Variants in C4orf51 observed in about 807,000 individuals in gnomAD.
C4orf51 encodes the protein chromosome 4 open reading frame 51, also known as uncharacterized protein C4orf51.
A neutral mutation model predicts 25.2 loss-of-function variants in C4orf51; 25 were observed. That is an observed-to-expected ratio of 0.99 (90% CI 0.72 to 1.39). The LOEUF is 1.39. Ranked by LOEUF, C4orf51 falls within the 40% of genes most tolerant of loss-of-function variation. C4orf51 has a pLI of 0.00. For missense variants in C4orf51, 252 were observed against 239.6 expected (o/e 1.05, Z -0.34); for synonymous variants, 100 against 84.5 (o/e 1.18, Z -1.01).
chr4:145,760,192 G>A (rs550749489), intron 1 of C4orf51: 1 of 152,394 alleles, frequency 6.6e-6, no homozygotes, highest in Non-Finnish European at 1.5e-5. Context: ...ATCAAAGAGA[G>A]AGGGAAAGGT....
chr4:145,705,598 A>G (rs76124073), intron 2 of C4orf51, among the ~76,000 whole-genome samples: 2 of 152,266 alleles, frequency 1.3e-5, no homozygotes, highest in East Asian at 3.9e-4. Context: ...ACTAGCTGTC[A>G]TGGCAGAGCT....
At chr4:145,707,668 C>T (rs976638730) in intron 2 of C4orf51, among the ~76,000 whole-genome samples, 1 of 152,176 alleles carries the variant, frequency 6.6e-6, no homozygotes, top group Non-Finnish European at 1.5e-5. Flanking sequence ...TTAGACATCA[C>T]CAGGGACTGG....
chr4:145,762,632 T>G lies in C4orf51; in HGVS notation n.167-8356T>G, dbSNP rs1003688576. Among the ~76,000 whole-genome samples, 1 of 152,090 alleles carries G rather than the reference T, an allele frequency of 6.6e-6. No homozygotes were observed. Among genetic ancestry groups the G allele is most frequent in the Non-Finnish European group, 1.5e-5 (1 of 68,010 alleles). On this transcript the variant is annotated intron_variant and non_coding_transcript_variant, in intron 1 of 1. Transcript: ENST00000510096. This position sits in a 1 kb window ranked among gnomAD's most constrained non-coding sequence, Gnocchi z 4.9. The stretch of plus-strand genomic sequence containing the variant: ...CAGGCTGGAGCTGGACACCCTAGCC[T>G]GGGCCTCTCTGTGGCTCGGTTTCTC...
At chr4:145,699,585 A>C (rs937987257) in intron 2 of C4orf51, among the ~76,000 whole-genome samples, 1 of 151,920 alleles carries the variant, frequency 6.6e-6, no homozygotes, top group Non-Finnish European at 1.5e-5. Flanking sequence ...TGGACCCAAA[A>C]CTCTGGCGCC....
At chr4:145,776,219 G>A in the C4orf51 span, among the ~76,000 whole-genome samples, 1 of 152,148 alleles carries the variant, frequency 6.6e-6, no homozygotes, top group East Asian at 1.9e-4. Context: ...CAGTTTGGGA[G>A]GCTAAGACAG....
chr4:145,693,134 C>T (rs1351400741), intron 1 of C4orf51, among the ~76,000 whole-genome samples: 3 of 145,624 alleles, frequency 2.1e-5, no homozygotes, highest in Non-Finnish European at 4.5e-5. Context: ...AGCAGATAAA[C>T]AAGTGAACAA....
chr4:145,709,009 G>A (rs1195512097), intron 2 of C4orf51, among the ~76,000 whole-genome samples: 1 of 152,190 alleles, frequency 6.6e-6, no homozygotes, highest in East Asian at 1.9e-4. Flanking sequence ...TAGAGTAATG[G>A]AGGCTACAGG....
In C4orf51 at chr4:145,761,670, AC is replaced by A; in HGVS notation, n.167-9316del. The stretch of plus-strand genomic sequence containing the variant: ...AGGCAGCCGCGCTTCTCGCCGCCTC[AC>A]CAGCCTTCCCTCACACCACCCCCCA... On this transcript the variant is annotated intron_variant and non_coding_transcript_variant, in intron 1 of 1. Transcript: ENST00000510096. The surrounding 1 kb of genome is among the most constrained non-coding windows in gnomAD (Gnocchi z 6.8). The A allele has an allele frequency of 1.0e-6, 1 of 973,894 alleles. No homozygotes were observed. The highest frequency in any genetic ancestry group is 1.4e-6 in the Non-Finnish European group (1 of 730,118). The allele number at this position is 973,894 out of a possible 1,614,324, so 60.3% of individuals were successfully genotyped here. A position where few individuals can be genotyped will look rare whatever the true frequency, so the allele number is the denominator to read the frequency against.
chr4:145,698,505 G>A (rs1276241811), intron 2 of C4orf51, among the ~76,000 whole-genome samples: 1 of 152,226 alleles, frequency 6.6e-6, no homozygotes, highest in African/African-American at 2.4e-5. Flanking sequence ...GAGTAGAACA[G>A]AAAGGAATGT....
intron 1 of C4orf51, among the ~76,000 whole-genome samples, chr4:145,691,987 G>A (rs912436324): frequency 4.7e-5 from 4 of 84,762 alleles, no homozygotes; most frequent in East Asian, 4.0e-4. Context: ...TGATAGGAAT[G>A]TAAGTTGATA....
the C4orf51 span, among the ~76,000 whole-genome samples, chr4:145,780,532 A>G: frequency 6.6e-6 from 1 of 152,190 alleles, no homozygotes; most frequent in Non-Finnish European, 1.5e-5. Flanking sequence ...TACATTCTCT[A>G]ATCATCTTAA....
Position 145,751,440 on chromosome 4 carries a change from G to A in C4orf51, n.168-2767G>A, listed in dbSNP as rs945220135. 2.0e-5 allele frequency among the ~76,000 whole-genome samples: 3 copies of A among 152,146 alleles called. No homozygotes were observed. The East Asian group carries it at 5.8e-4, about 29-fold the overall frequency. On this transcript the variant is annotated intron_variant and non_coding_transcript_variant, in intron 1 of 1. Coordinates refer to the C4orf51 transcript ENST00000508981. ...GGATAAGATCCAGAAGAATTCTCTG[G>A]ATTACCAGGTAAATACTTTTGTCTT...
chr4:145,716,142 A>C (rs1376956813), intron 2 of C4orf51, among the ~76,000 whole-genome samples: 2 of 152,242 alleles, frequency 1.3e-5, no homozygotes, highest in Non-Finnish European at 2.9e-5. Context: ...GTTGATAGAT[A>C]AACTTCCAAA....
rs777958792 is a variant in C4orf51 at position 145,765,617 on chromosome 4, G to T, written n.167-5371G>T. ...GCATGACAGAGATGACCAGCAGATT[G>T]TTCCCGCCCTTGTTTTTCTGGGAGC... On this transcript the variant is annotated intron_variant and non_coding_transcript_variant, in intron 1 of 1. Coordinates refer to the C4orf51 transcript ENST00000510096. The surrounding 1 kb of genome is among the most constrained non-coding windows in gnomAD (Gnocchi z 4.7). The T allele has an allele frequency of 6.2e-7, 1 of 1,614,134 alleles. No homozygotes were observed. The highest frequency in any genetic ancestry group is 1.1e-5 in the South Asian group (1 of 91,070).
At chr4:145,784,883 G>T in the C4orf51 span, among the ~76,000 whole-genome samples, 1 of 152,162 alleles carries the variant, frequency 6.6e-6, no homozygotes, top group Non-Finnish European at 1.5e-5. Flanking sequence ...ATAGGATTTT[G>T]TCTCTTATAA....
chr4:145,777,594 T>A, the C4orf51 span, among the ~76,000 whole-genome samples: 1 of 152,214 alleles, frequency 6.6e-6, no homozygotes, highest in Admixed American at 6.5e-5. Context: ...TCTCCAATAA[T>A]TCTTTAACAT....
At chr4:145,684,662 G>T (rs1285647887) in intron 1 of C4orf51, among the ~76,000 whole-genome samples, 1 of 152,174 alleles carries the variant, frequency 6.6e-6, no homozygotes, top group Non-Finnish European at 1.5e-5. Flanking sequence ...CACTGTGGTG[G>T]GGGATGTTGA....
Position 145,761,569 on chromosome 4 carries a change from C to T in C4orf51, n.167-9419C>T. The T allele has an allele frequency of 2.4e-6, 3 of 1,273,606 alleles. No homozygotes were observed. Among genetic ancestry groups the T allele is most frequent in the Non-Finnish European group, 3.1e-6 (3 of 977,654 alleles). 78.9% of individuals were successfully genotyped at this position (1,273,606 alleles called of 1,614,324 possible). On this transcript the variant is annotated intron_variant and non_coding_transcript_variant, in intron 1 of 1. Transcript: ENST00000510096. The surrounding 1 kb of genome is among the most constrained non-coding windows in gnomAD (Gnocchi z 6.8). ...GAGGTGGCACTCCATGGCAGCGGGG[C>T]GGTTGGTGGAATAAATGCAGAATGG...
chr4:145,732,439 C>G lies in C4orf51; in HGVS notation c.502-14C>G, dbSNP rs757802544. 10 of 1,578,398 alleles carry G rather than the reference C, an allele frequency of 6.3e-6. No homozygotes were observed. In the South Asian group the frequency reaches 1.1e-4, roughly 18 times the overall value. ...GGATGAGCGAGTGTTGACAACCAGGCCATTTTTCTCCAGCTTCATGGACGG... is the reference window on the plus strand; with the variant it reads ...GGATGAGCGAGTGTTGACAACCAGGGCATTTTTCTCCAGCTTCATGGACGG... On this transcript the variant is annotated splice_polypyrimidine_tract_variant and intron_variant, in intron 5 of 5. Coordinates refer to ENST00000438731, the MANE Select transcript of C4orf51 (RefSeq NM_001080531.3).
Sources: allele counts gnomAD v4.1 joint callset (sites outside exome capture counted in the v4.1 genomes callset), GRCh38; gene constraint gnomAD v4.1.1; non-coding constraint Gnocchi (gnomAD v3.1); transcripts MANE v1.5; gene names NCBI Gene and HGNC (gene_info 2026-07-23, HGNC 2026-07-21).